PCGF3: variants seen among roughly 807,000 people sequenced by gnomAD.
The protein encoded by PCGF3 is polycomb group RING finger protein 3.
PCGF3 carries 7 observed loss-of-function variants against 33.1 expected under a neutral mutation model. That is an observed-to-expected ratio of 0.21 (90% CI 0.12 to 0.40). The LOEUF is 0.40. Among genes scored for constraint, PCGF3 ranks in the 10% least tolerant of loss-of-function variants. The pLI is 1.00. For synonymous variants in PCGF3, 153 were observed against 121.3 expected, an observed-to-expected ratio of 1.26 and a Z score of -1.72; for missense variants, 211 against 313.3, an observed-to-expected ratio of 0.67 and a Z score of 2.46.
At chr4:738,432 A>G (rs1743932065) in intron 6 of PCGF3, among the ~76,000 whole-genome samples, 1 of 152,226 alleles carries the variant, frequency 6.6e-6, no homozygotes, top group Non-Finnish European at 1.5e-5. Context: ...AAGGCAAAGG[A>G]TACATTCGAG....
rs201250827 is a variant in PCGF3 at position 749,675 on chromosome 4, TG to T, written c.462+4991del. Among the ~76,000 whole-genome samples the T allele has an allele frequency of 8.9e-3, 1,356 of 151,988 alleles. 20 individuals are homozygous for T. The highest frequency in any genetic ancestry group is 0.031 in the African/African-American group (1,295 of 41,438). ...CTAATTTTTATATTTTTAGTAGAAATGGGGTTTCACCATGTTGGCCAGGCTG... is the reference window on the plus strand; with the variant it reads ...CTAATTTTTATATTTTTAGTAGAAATGGGTTTCACCATGTTGGCCAGGCTG... On this transcript the variant is annotated intron_variant, in intron 8 of 10. Transcript: ENST00000362003.
chr4:744,590 G>C lies in PCGF3; in HGVS notation c.374-10G>C. 6.5e-7 allele frequency: 1 copy of C among 1,548,444 alleles called. No individual in the cohort carries two copies. Among genetic ancestry groups the C allele is most frequent in the Non-Finnish European group, 8.7e-7 (1 of 1,143,448 alleles). On this transcript the variant is annotated splice_polypyrimidine_tract_variant and intron_variant, in intron 7 of 10. Coordinates refer to ENST00000362003, the Ensembl canonical transcript of PCGF3. ...TTTCATGGTGCGCTATGTTCTGTTT[G>C]TGCTAAAAGGTGAAACCAAAGCAGA... is the stretch of plus-strand genomic sequence containing the variant.
exon 11 of PCGF3, chr4:769,795 T>G (rs1745546296): frequency 6.5e-6 from 1 of 152,704 alleles, no homozygotes; most frequent in Non-Finnish European, 1.5e-5. Context: ...AAAGCAATGT[T>G]GGGTTGGGGA....
intron 8 of PCGF3, 24 bp from the exon 9 acceptor site, chr4:761,253 GCT>G (rs745645184): frequency 1.9e-6 from 3 of 1,553,436 alleles, no homozygotes; most frequent in Middle Eastern, 1.7e-4. Flanking sequence ...CTCCTGCTGC[GCT>G]CTCACCAGCG....
chr4:725,965 C>T (rs539116058), intron 1 of PCGF3, among the ~76,000 whole-genome samples: 3 of 152,310 alleles, frequency 2.0e-5, no homozygotes, highest in Admixed American at 6.5e-5. Context: ...CTCCGATTAA[C>T]CCTCAGGTCG....
Position 735,058 on chromosome 4 carries a change from G to A in PCGF3, c.206+31G>A, listed in dbSNP as rs199580652. On this transcript the variant is annotated intron_variant, in intron 5 of 10. Coordinates refer to ENST00000362003, the Ensembl canonical transcript of PCGF3. ...TGTGGGCCTTCCCAGGCCACAGTACGTGGGGTGAGTGCCCCTGGGCGTCTC... is the reference window on the plus strand; with the variant it reads ...TGTGGGCCTTCCCAGGCCACAGTACATGGGGTGAGTGCCCCTGGGCGTCTC... 93 of 1,600,522 alleles carry A rather than the reference G, an allele frequency of 5.8e-5. No homozygotes were observed. The East Asian group carries it at 1.4e-3, about 24-fold the overall frequency.
exon 11 of PCGF3, chr4:768,053 CATAATAT>C (rs1560224826): frequency 6.6e-6 from 1 of 152,668 alleles, no homozygotes; most frequent in African/African-American, 2.4e-5. Context: ...GTAATAATCT[CATAATAT>C]ATATTTGTAA....
At chr4:726,892 G>A (rs73221116) in intron 1 of PCGF3, among the ~76,000 whole-genome samples, 4,316 of 152,270 alleles carry the variant, frequency 0.028, 119 homozygotes, top group South Asian at 0.068. Context: ...CTCGGTCCCC[G>A]CAGGCCTCCC....
rs189480456 is a variant in PCGF3 at position 765,658 on chromosome 4, C to T, written c.682-374C>T. On this transcript the variant is annotated intron_variant, in intron 10 of 10. Transcript: ENST00000362003. ...GGAAACCAATGGTGGAACTCTCCCA[C>T]CTCAGCTGGTGTTGCTGCCTGGGGA... Among the ~76,000 whole-genome samples, 21 of 152,270 alleles carry T rather than the reference C, an allele frequency of 1.4e-4. No homozygotes were observed. The East Asian group carries it at 4.1e-3, about 29-fold the overall frequency.
In PCGF3 at chr4:716,940, A is replaced by G. The variant is rs190198948; in HGVS notation, c.-190+10970A>G. Among the ~76,000 whole-genome samples, 386 of 137,660 alleles carry G rather than the reference A, an allele frequency of 2.8e-3. 9 individuals carry two copies. The East Asian group carries it at 0.049, about 18-fold the overall frequency. The allele number at this position is 137,660 out of a possible 152,430, so 90.3% of individuals were successfully genotyped here. ...CTGGGCGTGGGTGCTGGGACCCTGT[A>G]GACACTGTGAGTGTGAGAACTGGGC... On this transcript the variant is annotated intron_variant, in intron 1 of 10. Transcript: ENST00000362003.
chr4:761,073 C>G (rs1257847343), intron 8 of PCGF3, among the ~76,000 whole-genome samples: 3 of 152,184 alleles, frequency 2.0e-5, no homozygotes, highest in African/African-American at 7.2e-5. Context: ...GGTTATAGTT[C>G]ACAAAATGGC....
intron 8 of PCGF3, among the ~76,000 whole-genome samples, chr4:747,909 C>T (rs984732362): frequency 6.6e-6 from 1 of 152,044 alleles, no homozygotes; most frequent in Admixed American, 6.5e-5. Flanking sequence ...CAGAGGAACA[C>T]GTGCTTAGGG....
chr4:716,617 G>T (rs528322693), intron 1 of PCGF3, among the ~76,000 whole-genome samples: 1 of 124,884 alleles, frequency 8.0e-6, no homozygotes, highest in Admixed American at 8.2e-5. Context: ...ACTGGGTGTC[G>T]GTGCTGGGAC....
exon 9 of PCGF3, chr4:761,291 C>T: frequency 2.5e-6 from 4 of 1,593,472 alleles, no homozygotes; most frequent in Non-Finnish European, 3.4e-6. Flanking sequence ...GAGCATCTGC[C>T]TGGAGTGTAA....
At chr4:735,944 T>C (rs765701632) in intron 5 of PCGF3, among the ~76,000 whole-genome samples, 6 of 152,212 alleles carry the variant, frequency 3.9e-5, no homozygotes, top group Non-Finnish European at 5.9e-5. Flanking sequence ...GGAAGGGAAA[T>C]GCTCCCCGTA....
chr4:730,380 C>T (rs1385017231), intron 1 of PCGF3, among the ~76,000 whole-genome samples: 1 of 152,188 alleles, frequency 6.6e-6, no homozygotes, highest in African/African-American at 2.4e-5. Context: ...GCCCCCCCAC[C>T]CCCGTGGGCC....
At chr4:739,078 T>G (rs1455283618) in intron 6 of PCGF3, among the ~76,000 whole-genome samples, 1 of 152,208 alleles carries the variant, frequency 6.6e-6, no homozygotes, top group Non-Finnish European at 1.5e-5. Flanking sequence ...AGGGTTCTTC[T>G]TAAAGCTCAT....
At chr4:755,143 A>G (rs1436545577) in intron 8 of PCGF3, among the ~76,000 whole-genome samples, 2 of 152,244 alleles carry the variant, frequency 1.3e-5, no homozygotes, top group Non-Finnish European at 2.9e-5. Flanking sequence ...GTCGCAGAGC[A>G]CACGGCGTTG....
At position 765,724 on chromosome 4, in the gene PCGF3, G is replaced by A. The variant is rs1182314963; in HGVS notation, c.682-308G>A. Among the ~76,000 whole-genome samples the A allele has an allele frequency of 3.9e-5, 6 of 152,192 alleles. 1 individual carries two copies. The highest frequency in any genetic ancestry group is 3.3e-4 in the Admixed American group (5 of 15,278). On this transcript the variant is annotated intron_variant, in intron 10 of 10. Coordinates refer to ENST00000362003, the Ensembl canonical transcript of PCGF3. ...AGGCTGGCCTGGGGCTGGGCCAGAG[G>A]GTTTGAGGGAGAAGGGGGCAGGGGA...
Sources: allele counts gnomAD v4.1 joint callset (sites outside exome capture counted in the v4.1 genomes callset), GRCh38; gene constraint gnomAD v4.1.1; transcripts MANE v1.5; gene names NCBI Gene and HGNC (gene_info 2026-07-23, HGNC 2026-07-21).